The following WNT3A variants were observed in gnomAD, a reference collection of about 807,000 sequenced individuals.
WNT3A encodes protein Wnt-3a.
A neutral mutation model predicts 37.0 loss-of-function variants in WNT3A; 17 were observed. The observed-to-expected ratio is 0.46, with a 90% CI of 0.31 to 0.69. The LOEUF is 0.69. Ranked by LOEUF, WNT3A falls within the 30% of genes least tolerant of loss-of-function variation. WNT3A has a pLI of 0.05. For missense variants in WNT3A, 411 were observed against 510.2 expected (o/e 0.81, Z 1.87); for synonymous variants, 187 against 211.0 (o/e 0.89, Z 0.99).
At chr1:228,046,988 G>C (rs112634354) in intron 2 of WNT3A, among the ~76,000 whole-genome samples, 1 of 152,142 alleles carries the variant, frequency 6.6e-6, no homozygotes, top group Non-Finnish European at 1.5e-5. Flanking sequence ...TCTTCATGGC[G>C]AGGTGGGAGA....
At chr1:228,034,791 C>G (rs2031095716) in intron 2 of WNT3A, among the ~76,000 whole-genome samples, 3 of 152,076 alleles carry the variant, frequency 2.0e-5, no homozygotes. Context: ...TTGTGGAAAA[C>G]AGGGAATTAA....
rs926888173 is a variant in WNT3A, at chr1:228,008,281, C to T, written c.71+1082C>T. Among the ~76,000 whole-genome samples, 3 of 152,210 alleles carry T rather than the reference C, an allele frequency of 2.0e-5. No individual in the cohort carries two copies. Among genetic ancestry groups the T allele is most frequent in the Admixed American group, 2.0e-4 (3 of 15,286 alleles). On this transcript the variant is annotated intron_variant, in intron 1 of 3. Coordinates refer to ENST00000284523, the MANE Select transcript of WNT3A (RefSeq NM_033131.4). This position sits in a 1 kb window ranked among gnomAD's most constrained non-coding sequence, Gnocchi z 4.9. ...TCCCCACAAGCATGCACACTCCCCC[C>T]CATCCTTCTCCGACGGCAGCCTGGA...
intron 2 of WNT3A, among the ~76,000 whole-genome samples, chr1:228,035,136 CA>C (rs1460249423): frequency 6.6e-6 from 1 of 152,154 alleles, no homozygotes; most frequent in African/African-American, 2.4e-5. Context: ...GAGGGCTTCC[CA>C]GGGGAGGTGG....
In WNT3A at chr1:228,057,236, T is replaced by G. The variant is rs2031700946; in HGVS notation, c.580-1750T>G. On this transcript the variant is annotated intron_variant, in intron 3 of 3. Transcript: ENST00000284523. ...GAATATTGATGTGAAATTAAGCTAG[T>G]TTTTAGGGCAGGAGGGGTTGGTGCT... is the stretch of plus-strand genomic sequence containing the variant. Among the ~76,000 whole-genome samples the G allele has an allele frequency of 2.0e-5, 3 of 152,176 alleles. No individual in the cohort carries two copies. The South Asian group carries it at 6.2e-4, about 32-fold the overall frequency.
At chr1:228,041,971 C>G (rs1406597894) in intron 2 of WNT3A, among the ~76,000 whole-genome samples, 1 of 152,128 alleles carries the variant, frequency 6.6e-6, no homozygotes, top group African/African-American at 2.4e-5. Context: ...GAGCAGCAGT[C>G]CACTTTCTGG....
chr1:228,041,355 C>T (rs1223263267), intron 2 of WNT3A, among the ~76,000 whole-genome samples: 1 of 152,124 alleles, frequency 6.6e-6, no homozygotes, highest in African/African-American at 2.4e-5. Context: ...CTAGAACTCC[C>T]TCACCTTCTC....
At chr1:228,040,011 G>A (rs372926834) in intron 2 of WNT3A, among the ~76,000 whole-genome samples, 13 of 152,056 alleles carry the variant, frequency 8.5e-5, no homozygotes, top group African/African-American at 1.7e-4. Flanking sequence ...CTCTCCTCTC[G>A]CCCTGTATCA....
intron 3 of WNT3A, among the ~76,000 whole-genome samples, chr1:228,058,727 T>C (rs949624749): frequency 2.0e-5 from 3 of 152,176 alleles, no homozygotes; most frequent in Non-Finnish European, 2.9e-5. Flanking sequence ...CCCTAGACAG[T>C]GTAGAAGTAC....
intron 1 of WNT3A, among the ~76,000 whole-genome samples, chr1:228,013,251 G>A (rs978371151): frequency 6.6e-6 from 1 of 152,116 alleles, no homozygotes; most frequent in East Asian, 1.9e-4. Context: ...GTCTTGCTCC[G>A]TGGCCCAGGC....
At chr1:228,019,751 A>C (rs1470727679) in intron 1 of WNT3A, among the ~76,000 whole-genome samples, 1 of 152,188 alleles carries the variant, frequency 6.6e-6, no homozygotes, top group Non-Finnish European at 1.5e-5. Context: ...TTATCTTTTT[A>C]TGCTTACGTC....
intron 1 of WNT3A, among the ~76,000 whole-genome samples, chr1:228,019,906 G>A (rs953009859): frequency 2.6e-5 from 4 of 152,200 alleles, no homozygotes; most frequent in African/African-American, 7.2e-5. Flanking sequence ...CTCACCTGGG[G>A]CAACCACCTC....
rs1033209197 is a variant in WNT3A at position 228,060,125 on chromosome 1, A to G, written c.*660A>G. 6.0e-6 allele frequency: 8 copies of G among 1,325,946 alleles called. No homozygotes were observed. Among genetic ancestry groups the G allele is most frequent in the Non-Finnish European group, 7.9e-6 (8 of 1,008,094 alleles). 82.1% of individuals were successfully genotyped at this position (1,325,946 alleles called of 1,614,324 possible). ...TGGGGCTTCTCTGGGACCAGGCTCCAATGGGGCGGGGCTTCTCTCCGCGGG... is the reference window on the plus strand; with the variant it reads ...TGGGGCTTCTCTGGGACCAGGCTCCGATGGGGCGGGGCTTCTCTCCGCGGG... On this transcript the variant is annotated 3_prime_UTR_variant, in exon 4 of 4. Transcript: ENST00000284523.
At chr1:228,056,602 A>G (rs2031687315) in intron 3 of WNT3A, among the ~76,000 whole-genome samples, 1 of 152,236 alleles carries the variant, frequency 6.6e-6, no homozygotes, top group Non-Finnish European at 1.5e-5. Flanking sequence ...TGACAAACAA[A>G]AAGAGGAGGC....
At chr1:228,051,600 C>G (rs73092904) in intron 3 of WNT3A, among the ~76,000 whole-genome samples, 2 of 152,046 alleles carry the variant, frequency 1.3e-5, no homozygotes, top group Middle Eastern at 3.2e-3. Flanking sequence ...GGGCCTGCTC[C>G]TCATGGATGA....
rs2102775067 is a variant in WNT3A at position 228,042,458 on chromosome 1, G to C, written c.314-8198G>C. Among the ~76,000 whole-genome samples the C allele has an allele frequency of 6.6e-6, 1 of 151,762 alleles. No homozygotes were observed. The highest frequency in any genetic ancestry group is 2.4e-5 in the African/African-American group (1 of 41,428). On this transcript the variant is annotated intron_variant, in intron 2 of 3. Coordinates refer to ENST00000284523, the MANE Select transcript of WNT3A (RefSeq NM_033131.4). This position sits in a 1 kb window ranked among gnomAD's most constrained non-coding sequence, Gnocchi z 5.2. Reference sequence around the variant, plus strand: ...GATGAATGGATGATGGGTGGATGATGGATGAATGGTGATGGATGAATGGTG... The same window carrying C: ...GATGAATGGATGATGGGTGGATGATCGATGAATGGTGATGGATGAATGGTG...
chr1:228,021,801 G>C (rs1422071076), intron 1 of WNT3A, among the ~76,000 whole-genome samples: 4 of 152,212 alleles, frequency 2.6e-5, no homozygotes, highest in Admixed American at 1.3e-4. Context: ...CAATCCCAAA[G>C]CCAAGGGCAT....
rs1486597398 is a variant in WNT3A, at chr1:228,060,020, T to C, written c.*555T>C. ...GCTTCTTCCTGGATGGGGCAGAGCT[T>C]CTCCTGACCAGGGCAAGGCCCCTTC... On this transcript the variant is annotated 3_prime_UTR_variant, in exon 4 of 4. Transcript: ENST00000284523. The C allele has an allele frequency of 1.7e-6, 2 of 1,176,014 alleles. No individual in the cohort carries two copies. The highest frequency in any genetic ancestry group is 3.2e-5 in the African/African-American group (2 of 62,014). 72.8% of individuals were successfully genotyped at this position (1,176,014 alleles called of 1,614,324 possible).
In WNT3A at chr1:228,060,258, CT is replaced by C. The variant is rs1387073791; in HGVS notation, c.*794del. ...CACCAGCCACCTCATCCCCAACCCC[CT>C]GTAAGGTTCCATCCACCCCTGCGTC... is the stretch of plus-strand genomic sequence containing the variant. On this transcript the variant is annotated 3_prime_UTR_variant, in exon 4 of 4. Coordinates refer to ENST00000284523, the MANE Select transcript of WNT3A (RefSeq NM_033131.4). 7.4e-7 allele frequency: 1 copy of C among 1,351,636 alleles called. No individual in the cohort carries two copies. The highest frequency in any genetic ancestry group is 4.5e-5 in the East Asian group (1 of 21,994). The allele number at this position is 1,351,636 out of a possible 1,614,324, so 83.7% of individuals were successfully genotyped here. A position where few individuals can be genotyped will look rare whatever the true frequency, so the allele number is the denominator to read the frequency against.
At chr1:228,044,111 A>G (rs1322245124) in intron 2 of WNT3A, among the ~76,000 whole-genome samples, 1 of 152,152 alleles carries the variant, frequency 6.6e-6, no homozygotes, top group African/African-American at 2.4e-5. Flanking sequence ...CGTCCCAAGT[A>G]GCTAGGACTA....
Sources: allele counts gnomAD v4.1 joint callset (sites outside exome capture counted in the v4.1 genomes callset), GRCh38; gene constraint gnomAD v4.1.1; non-coding constraint Gnocchi (gnomAD v3.1); transcripts MANE v1.5; gene names NCBI Gene and HGNC (gene_info 2026-07-23, HGNC 2026-07-21).